SRFBP1: variants seen among roughly 807,000 people sequenced by gnomAD.
SRFBP1 encodes serum response factor binding protein 1.
In SRFBP1, 47 loss-of-function variants were observed where a neutral mutation model predicts 45.5. That is an observed-to-expected ratio of 1.03 (90% CI 0.82 to 1.32). The LOEUF (loss-of-function observed/expected upper bound fraction) is 1.32, where lower values mean the gene tolerates loss of function less well. SRFBP1 is among the 40% of genes most tolerant of loss of function. The probability of loss-of-function intolerance (pLI) is 0.00; values close to 1 mark genes in which losing one functional copy is unlikely to be tolerated. For missense variants in SRFBP1, 621 were observed against 484.6 expected, an observed-to-expected ratio of 1.28 and a Z score of -2.64; for synonymous variants, 203 against 166.3, an observed-to-expected ratio of 1.22 and a Z score of -1.70.
rs1276458284 is a variant in SRFBP1 at position 122,020,143 on chromosome 5, A to C, written c.408A>C (p.Ser136=). ...ARQNVAEVES[S]KNASEDNHSE... is the part of the protein sequence containing the mutation. The stretch of plus-strand genomic sequence containing the variant: ...AAAATGTTGCTGAAGTTGAGTCATC[A>C]AAGAATGCTTCAGAGGACAATCATT... Residue 136 remains serine, a synonymous_variant, in exon 6 of 8, where the codon TCA becomes TCC. Transcript: ENST00000339397. 2.5e-6 allele frequency: 4 copies of C among 1,593,758 alleles called. No individual in the cohort carries two copies. Among genetic ancestry groups the C allele is most frequent in the Non-Finnish European group, 3.4e-6 (4 of 1,173,176 alleles).
chr5:121,965,334 A>C (rs1048696513), intron 1 of SRFBP1, among the ~76,000 whole-genome samples: 5 of 152,194 alleles, frequency 3.3e-5, no homozygotes, highest in Non-Finnish European at 5.9e-5. Context: ...TCTGACGTTT[A>C]AGTCTTTAAT....
intron 2 of SRFBP1, among the ~76,000 whole-genome samples, chr5:122,036,853 C>G (rs118148159): frequency 1.3e-5 from 2 of 151,282 alleles, no homozygotes; most frequent in African/African-American, 2.4e-5. Flanking sequence ...CTGTGATAAA[C>G]GATGAGTATG....
At chr5:122,063,865 A>G (rs1166223395) in intron 2 of SRFBP1, 1 of 151,968 alleles carries the variant, frequency 6.6e-6, no homozygotes, top group Non-Finnish European at 1.5e-5. Context: ...ATGAGATTTC[A>G]AAGAGAAAAA....
At chr5:122,062,758 G>T (rs1232153185) in intron 2 of SRFBP1, among the ~76,000 whole-genome samples, 1 of 151,928 alleles carries the variant, frequency 6.6e-6, no homozygotes, top group Non-Finnish European at 1.5e-5. Flanking sequence ...GGGCCTGTTT[G>T]CCCTCTCATG....
chr5:122,050,494 A>T (rs1753955375), intron 2 of SRFBP1, among the ~76,000 whole-genome samples: 1 of 152,114 alleles, frequency 6.6e-6, no homozygotes, highest in Admixed American at 6.5e-5. Flanking sequence ...CCAGGAATTT[A>T]TCCATTTCTT....
intron 7 of SRFBP1, among the ~76,000 whole-genome samples, chr5:122,024,934 TTTTG>T (rs746916959): frequency 6.6e-6 from 1 of 151,734 alleles, no homozygotes; most frequent in East Asian, 1.9e-4. Flanking sequence ...TGAAACAGGT[TTTTG>T]TTTTGTTTTG....
intron 2 of SRFBP1, among the ~76,000 whole-genome samples, chr5:122,073,043 A>G (rs975148955): frequency 6.6e-6 from 1 of 152,134 alleles, no homozygotes; most frequent in Non-Finnish European, 1.5e-5. Flanking sequence ...TCCAATTGCT[A>G]TGATGTTCTA....
intron 3 of SRFBP1, among the ~76,000 whole-genome samples, chr5:121,990,403 G>A (rs1368759950): frequency 1.3e-5 from 2 of 152,142 alleles, no homozygotes; most frequent in African/African-American, 4.8e-5. Flanking sequence ...TAAAATGGGA[G>A]CAGGAGACAC....
downstream of SRFBP1, among the ~76,000 whole-genome samples, chr5:122,031,305 TA>T (rs1337506678): frequency 6.6e-6 from 1 of 152,152 alleles, no homozygotes; most frequent in Admixed American, 6.5e-5. Context: ...TACAGAGTTG[TA>T]ACATGTTATT....
intron 2 of SRFBP1, among the ~76,000 whole-genome samples, chr5:122,045,672 A>T (rs1487221503): frequency 1.3e-5 from 2 of 152,112 alleles, no homozygotes; most frequent in Admixed American, 1.3e-4. Flanking sequence ...TCACTGGTGT[A>T]TAGGAATGCT....
chr5:121,997,352 A>G (rs1752751002), intron 4 of SRFBP1, among the ~76,000 whole-genome samples: 1 of 150,538 alleles, frequency 6.6e-6, no homozygotes, highest in Non-Finnish European at 1.5e-5. Context: ...GCCCTCAGAA[A>G]TAACGCCGCA....
At chr5:122,016,736 A>G (rs562800979) in intron 4 of SRFBP1, among the ~76,000 whole-genome samples, 3 of 152,206 alleles carry the variant, frequency 2.0e-5, no homozygotes, top group South Asian at 4.1e-4. Flanking sequence ...TCTTTTTTCT[A>G]TCTTTCCTCT....
chr5:122,000,109 T>C (rs1752826154), intron 4 of SRFBP1, among the ~76,000 whole-genome samples: 1 of 152,082 alleles, frequency 6.6e-6, no homozygotes, highest in African/African-American at 2.4e-5. Flanking sequence ...TGTTTTTTAG[T>C]GTTCACTCTA....
chr5:121,987,102 A>G (rs755093642), intron 3 of SRFBP1, among the ~76,000 whole-genome samples: 5 of 152,174 alleles, frequency 3.3e-5, no homozygotes, highest in Non-Finnish European at 5.9e-5. Flanking sequence ...TGGAAAACCA[A>G]TTAGGCTATT....
intron 4 of SRFBP1, among the ~76,000 whole-genome samples, chr5:122,003,927 C>G (rs566678753): frequency 6.6e-6 from 1 of 151,876 alleles, no homozygotes; most frequent in South Asian, 2.1e-4. Flanking sequence ...AGTGAGTTTC[C>G]TTTTGTTTGT....
intron 4 of SRFBP1, among the ~76,000 whole-genome samples, chr5:122,018,162 A>G (rs1346369739): frequency 6.6e-6 from 1 of 152,240 alleles, no homozygotes; most frequent in Non-Finnish European, 1.5e-5. Flanking sequence ...GTATGGGCTA[A>G]GCATCAGAAA....
intron 2 of SRFBP1, among the ~76,000 whole-genome samples, chr5:122,050,374 G>C (rs1282812746): frequency 6.6e-6 from 1 of 152,050 alleles, no homozygotes; most frequent in Non-Finnish European, 1.5e-5. Context: ...ATCTGGTCTT[G>C]GGATTTATTT....
rs564095893 is a variant in SRFBP1, at chr5:122,050,614, G to T, written n.312-24701G>T. On this transcript the variant is annotated intron_variant and non_coding_transcript_variant, in intron 2 of 2. Coordinates refer to the SRFBP1 transcript ENST00000504881. ...GGTCAGTGGTAAAGTCCTCTTTGTT[G>T]TTTCTAATTGTGTTTATTTGGATCT... 3.3e-5 allele frequency among the ~76,000 whole-genome samples: 5 copies of T among 151,962 alleles called. No individual in the cohort carries two copies. The East Asian group carries it at 9.7e-4, about 29-fold the overall frequency.
At chr5:122,026,524 T>C (rs1221333860) in intron 7 of SRFBP1, among the ~76,000 whole-genome samples, 1 of 152,140 alleles carries the variant, frequency 6.6e-6, no homozygotes, top group Non-Finnish European at 1.5e-5. Context: ...CTCAGTGGAG[T>C]GTCTTAGCTA....
Sources: gnomAD v4.1 joint callset for allele counts (sites outside exome capture counted in the v4.1 genomes callset) on GRCh38, gnomAD v4.1.1 for gene constraint, MANE v1.5 for transcripts, NCBI Gene and HGNC (gene_info 2026-07-23, HGNC 2026-07-21) for gene names.